MYO1D: variants seen among roughly 807,000 people sequenced by gnomAD.
MYO1D encodes the protein unconventional myosin-Id.
MYO1D carries 83 observed loss-of-function variants against 122.0 expected under a neutral mutation model. The observed-to-expected ratio is 0.68, with a 90% CI of 0.57 to 0.82. The LOEUF is 0.82. Ranked by LOEUF, MYO1D falls within the 40% of genes least tolerant of loss-of-function variation. The probability of loss-of-function intolerance (pLI) is 0.00; values close to 1 mark genes in which losing one functional copy is unlikely to be tolerated. For synonymous variants in MYO1D, 464 were observed against 446.9 expected (o/e 1.04, Z -0.48); for missense variants, 1,157 against 1,269.5 (o/e 0.91, Z 1.35).
At chr17:32,846,771 G>A (rs1042256827) in intron 1 of MYO1D, among the ~76,000 whole-genome samples, 1 of 152,130 alleles carries the variant, frequency 6.6e-6, no homozygotes, top group African/African-American at 2.4e-5. Flanking sequence ...CTTGAGGCCA[G>A]GACTTTGAGA....
At chr17:32,535,005 C>T (rs770765857) in intron 21 of MYO1D, among the ~76,000 whole-genome samples, 2 of 152,012 alleles carry the variant, frequency 1.3e-5, no homozygotes, top group African/African-American at 4.8e-5. Context: ...GAAAATCATT[C>T]GGCTAAGTCC....
intron 21 of MYO1D, among the ~76,000 whole-genome samples, chr17:32,525,462 T>C (rs530498562): frequency 6.6e-6 from 1 of 152,218 alleles, no homozygotes; most frequent in Non-Finnish European, 1.5e-5. Flanking sequence ...GTTTTTTTTT[T>C]TTCAGGTAAT....
chr17:32,571,443 A>G (rs551098980), intron 21 of MYO1D, among the ~76,000 whole-genome samples: 19 of 152,102 alleles, frequency 1.2e-4, no homozygotes, highest in Non-Finnish European at 2.4e-4. Flanking sequence ...CTTTCCTGGA[A>G]CTTGCAATTC....
chr17:32,744,608 C>T (rs2089811048), intron 13 of MYO1D, among the ~76,000 whole-genome samples: 1 of 152,196 alleles, frequency 6.6e-6, no homozygotes. Flanking sequence ...GAATACAGTT[C>T]TTTAACCCAT....
chr17:32,603,087 C>T (rs897771486), intron 21 of MYO1D, among the ~76,000 whole-genome samples: 22 of 151,046 alleles, frequency 1.5e-4, no homozygotes, highest in Admixed American at 3.9e-4. Context: ...AAAAAATCCA[C>T]CAAAAAATTC....
chr17:32,689,582 A>C (rs2089066927), intron 16 of MYO1D, among the ~76,000 whole-genome samples: 1 of 151,756 alleles, frequency 6.6e-6, no homozygotes, highest in African/African-American at 2.4e-5. Context: ...GTGTGTAGAT[A>C]TTTCCAGAAT....
At chr17:32,818,075 G>A (rs1294501078) in intron 1 of MYO1D, among the ~76,000 whole-genome samples, 3 of 131,432 alleles carry the variant, frequency 2.3e-5, no homozygotes, top group African/African-American at 8.5e-5. Flanking sequence ...GCAGTGAGCC[G>A]AGATCCCGCC....
At chr17:32,856,711 CTCCTCTCAGGG>C (rs1393188503) in intron 1 of MYO1D, among the ~76,000 whole-genome samples, 15 of 152,204 alleles carry the variant, frequency 9.9e-5, no homozygotes, top group Non-Finnish European at 1.5e-4. Flanking sequence ...CCTCTTCAGA[CTCCTCTCAGGG>C]TCCTTATTAT....
At chr17:32,767,555 A>T in intron 7 of MYO1D, 81 bp downstream of exon 7, 1 of 909,558 alleles carries the variant, frequency 1.1e-6, no homozygotes, top group Non-Finnish European at 1.7e-6. Context: ...TTTTAAATCT[A>T]CAGGGAAAAA....
intron 16 of MYO1D, among the ~76,000 whole-genome samples, chr17:32,694,203 C>T (rs368440735): frequency 6.6e-5 from 10 of 152,254 alleles, no homozygotes; most frequent in African/African-American, 2.2e-4. Context: ...TTTTCATTTC[C>T]ATGATTCACC....
At chr17:32,618,884 T>C (rs11867732) in intron 20 of MYO1D, among the ~76,000 whole-genome samples, 88,320 of 151,894 alleles carry the variant, frequency 0.58, 26,446 homozygotes, top group African/African-American at 0.72. Flanking sequence ...GTTCACCTGC[T>C]TCGGCCTCCC....
chr17:32,709,213 TAAAA>T (rs2089345124), intron 16 of MYO1D, among the ~76,000 whole-genome samples: 1 of 151,476 alleles, frequency 6.6e-6, no homozygotes, highest in African/African-American at 2.4e-5. Context: ...ACTTTGAGAG[TAAAA>T]GGGGTACTAT....
chr17:32,552,452 CCA>C (rs2087026559), intron 21 of MYO1D, among the ~76,000 whole-genome samples: 4 of 132,622 alleles, frequency 3.0e-5, no homozygotes, highest in Non-Finnish European at 5.2e-5. Flanking sequence ...ATCCATCCAT[CCA>C]TCCATCCATT....
chr17:32,845,410 G>GA (rs1339063432), intron 1 of MYO1D, among the ~76,000 whole-genome samples: 2 of 152,000 alleles, frequency 1.3e-5, no homozygotes, highest in Non-Finnish European at 1.5e-5. Flanking sequence ...GCTTTGCTAC[G>GA]AAAAAAAGAT....
At chr17:32,734,024 T>C (rs892316164) in intron 14 of MYO1D, among the ~76,000 whole-genome samples, 1 of 152,200 alleles carries the variant, frequency 6.6e-6, no homozygotes, top group Non-Finnish European at 1.5e-5. Context: ...ATTAAATGAG[T>C]TGAGTAGTTG....
At chr17:32,627,755 T>C (rs553820986) in intron 20 of MYO1D, 3 of 152,016 alleles carry the variant, frequency 2.0e-5, no homozygotes, top group Non-Finnish European at 4.4e-5. Flanking sequence ...ACCAAACACA[T>C]CATGACTCAA....
At chr17:32,851,950 A>G (rs987678990) in intron 1 of MYO1D, among the ~76,000 whole-genome samples, 1 of 152,066 alleles carries the variant, frequency 6.6e-6, no homozygotes, top group African/African-American at 2.4e-5. Flanking sequence ...GATCTACAGC[A>G]TTTACTACTG....
chr17:32,736,864 A>C (rs1834115566), intron 14 of MYO1D, among the ~76,000 whole-genome samples: 1 of 152,180 alleles, frequency 6.6e-6, no homozygotes, highest in Non-Finnish European at 1.5e-5. Flanking sequence ...TTGACATGCA[A>C]AGAAAAGCTG....
chr17:32,537,976 G>A (rs1910712054), intron 21 of MYO1D, among the ~76,000 whole-genome samples: 1 of 152,104 alleles, frequency 6.6e-6, no homozygotes, highest in African/African-American at 2.4e-5. Context: ...AGTTGATGGA[G>A]CATGAAAAAA....
Sources: allele counts gnomAD v4.1 joint callset (sites outside exome capture counted in the v4.1 genomes callset), GRCh38; gene constraint gnomAD v4.1.1; transcripts MANE v1.5; gene names NCBI Gene and HGNC (gene_info 2026-07-23, HGNC 2026-07-21).